PGM2: variants seen among roughly 807,000 people sequenced by gnomAD.
PGM2 encodes phosphoglucomutase 2.
In PGM2, 57 loss-of-function variants were observed where a neutral mutation model predicts 74.6. The observed-to-expected ratio is 0.76, with a 90% confidence interval of 0.62 to 0.95. The LOEUF (loss-of-function observed/expected upper bound fraction) is 0.95. Among genes scored for constraint, PGM2 ranks in the 40% least tolerant of loss-of-function variants. PGM2 has a pLI of 0.00. For missense variants in PGM2, 706 were observed against 741.9 expected (o/e 0.95, Z 0.56); for synonymous variants, 273 against 260.7 (o/e 1.05, Z -0.46).
intron 2 of PGM2, among the ~76,000 whole-genome samples, chr4:37,830,476 C>T (rs1483260706): frequency 6.6e-6 from 1 of 152,178 alleles, no homozygotes; most frequent in Non-Finnish European, 1.5e-5. Context: ...CTTTTAAGGT[C>T]CTGTAATTTT....
chr4:37,833,126 C>T (rs1237628289), intron 2 of PGM2, among the ~76,000 whole-genome samples: 1 of 152,210 alleles, frequency 6.6e-6, no homozygotes, highest in Non-Finnish European at 1.5e-5. Flanking sequence ...AACCAATACA[C>T]ATGGCCTTAT....
At chr4:37,851,874 A>C (rs1726048665) in intron 12 of PGM2, among the ~76,000 whole-genome samples, 2 of 152,038 alleles carry the variant, frequency 1.3e-5, no homozygotes, top group Admixed American at 1.3e-4. Flanking sequence ...ATGACTAGTA[A>C]CTGCTGTTGC....
intron 11 of PGM2, 45 bp from the exon 12 acceptor site, chr4:37,850,139 A>G (rs1725996648): frequency 8.6e-7 from 1 of 1,158,740 alleles, no homozygotes; most frequent in Admixed American, 2.3e-5. Flanking sequence ...CCACCCTACA[A>G]AATTATTTGT....
intron 13 of PGM2, among the ~76,000 whole-genome samples, chr4:37,855,987 T>G (rs1475400437): frequency 6.6e-6 from 1 of 152,194 alleles, no homozygotes; most frequent in African/African-American, 2.4e-5. Context: ...TATTTCAGTA[T>G]AGTAGTAAAA....
In PGM2 at chr4:37,839,918, A is replaced by T. The variant is rs752336133; in HGVS notation, c.512A>T (p.Asp171Val). Residue 171 changes from aspartate to valine, a missense_variant, in exon 5 of 14, where the codon GAT (aspartate) becomes GTT (valine). Physicochemically the swap from Asp to Val is radical, Grantham distance 152. This residue lies in a region of PGM2 where 332 missense variants were observed against 334.9 expected (regional missense o/e 0.99). Transcript: ENST00000381967. ...ACTGCATCTCACAATCCAAAGCAGGATAATGGTTATAAGGTATTTTCCTTT... is the reference window on the plus strand; with the variant it reads ...ACTGCATCTCACAATCCAAAGCAGGTTAATGGTTATAAGGTATTTTCCTTT... Reference protein sequence around the residue: ...MITASHNPKQDNGYKVYWDNG... With the variant: ...MITASHNPKQVNGYKVYWDNG... The T allele has an allele frequency of 6.3e-7, 1 of 1,594,174 alleles. No individual in the cohort carries two copies. The highest frequency in any genetic ancestry group is 1.1e-5 in the South Asian group (1 of 90,648).
Position 37,847,302 on chromosome 4 carries a change from A to G in PGM2, c.1282+7A>G. 1.3e-6 allele frequency: 2 copies of G among 1,588,870 alleles called. No individual in the cohort carries two copies. The highest frequency in any genetic ancestry group is 8.6e-7 in the Non-Finnish European group (1 of 1,157,328). On this transcript the variant is annotated splice_region_variant and intron_variant, in intron 10 of 13. Transcript: ENST00000381967. ...GCATTTGAAGAAGCTATTGGTAAGA[A>G]GTGATCATGAACATTAAGGAATTGG...
In PGM2 at chr4:37,826,729, A is replaced by G. The variant is rs1410771195; in HGVS notation, c.-4A>G. 26 of 1,548,938 alleles carry G rather than the reference A, an allele frequency of 1.7e-5. No individual in the cohort carries two copies. Among genetic ancestry groups the G allele is most frequent in the Non-Finnish European group, 2.0e-5 (23 of 1,145,400 alleles). ...CCCTCTGCAGCGGTAGCACAAGCTC[A>G]GCGATGGCGGCTCCAGAAGGCAGCG... is the stretch of plus-strand genomic sequence containing the variant. On this transcript the variant is annotated 5_prime_UTR_variant, in exon 1 of 14. Coordinates refer to ENST00000381967, the MANE Select transcript of PGM2 (RefSeq NM_018290.4).
At chr4:37,828,240 G>A (rs1027231333) in intron 1 of PGM2, among the ~76,000 whole-genome samples, 5 of 152,052 alleles carry the variant, frequency 3.3e-5, no homozygotes, top group African/African-American at 1.2e-4. Context: ...TGAAGTCAGA[G>A]TTCATAATGC....
intron 11 of PGM2, 59 bp from the exon 12 acceptor site, chr4:37,850,125 G>C: frequency 2.1e-6 from 2 of 970,304 alleles, no homozygotes. Context: ...TACATGTTCT[G>C]TGTCCACCCT....
At chr4:37,851,914 G>A (rs1315490943) in intron 12 of PGM2, among the ~76,000 whole-genome samples, 1 of 150,100 alleles carries the variant, frequency 6.7e-6, no homozygotes, top group East Asian at 1.9e-4. Context: ...TTTTGATTAG[G>A]TTTCCCTAAT....
chr4:37,852,664 T>A (rs193225576), intron 12 of PGM2, among the ~76,000 whole-genome samples: 1 of 152,316 alleles, frequency 6.6e-6, no homozygotes, highest in East Asian at 1.9e-4. Flanking sequence ...GAGCCTCCAA[T>A]CCTTCCTTTT....
chr4:37,834,519 T>C (rs902581786), intron 2 of PGM2, 99 bp from the exon 3 acceptor site: 1 of 621,832 alleles, frequency 1.6e-6, no homozygotes. Flanking sequence ...CATAGTGTTC[T>C]ATGAAATTTG....
At chr4:37,831,727 A>G (rs1725448159) in intron 2 of PGM2, among the ~76,000 whole-genome samples, 1 of 152,230 alleles carries the variant, frequency 6.6e-6, no homozygotes, top group African/African-American at 2.4e-5. Context: ...TAGCTTTGAA[A>G]GTCACACAGT....
chr4:37,841,116 T>TGTGTGTGTG (rs1560415272), intron 6 of PGM2, among the ~76,000 whole-genome samples: 1 of 95,828 alleles, frequency 1.0e-5, no homozygotes, highest in African/African-American at 5.5e-5. Flanking sequence ...GTGTGTGTGT[T>TGTGTGTGTG]TGTATATGTA....
At chr4:37,859,775 T>C (rs1389608954) in intron 13 of PGM2, among the ~76,000 whole-genome samples, 1 of 152,222 alleles carries the variant, frequency 6.6e-6, no homozygotes, top group Non-Finnish European at 1.5e-5. Context: ...GTCGTTTAGC[T>C]TAAATGTTTT....
In PGM2 at chr4:37,849,931, G is replaced by C. The variant is rs572159363; in HGVS notation, c.1413-253G>C. Reference sequence around the variant, plus strand: ...CCCTCTGGAGTAGCTGGGACTACAGGTGCCTGTCACCATACCCGGCTAATT... The same window carrying C: ...CCCTCTGGAGTAGCTGGGACTACAGCTGCCTGTCACCATACCCGGCTAATT... On this transcript the variant is annotated intron_variant, in intron 11 of 13. Coordinates refer to ENST00000381967, the MANE Select transcript of PGM2 (RefSeq NM_018290.4). Among the ~76,000 whole-genome samples the C allele has an allele frequency of 7.2e-5, 11 of 152,106 alleles. No homozygotes were observed. The South Asian group carries it at 1.9e-3, about 26-fold the overall frequency.
chr4:37,850,726 C>T (rs888417282), intron 12 of PGM2, among the ~76,000 whole-genome samples: 3 of 152,106 alleles, frequency 2.0e-5, no homozygotes, highest in African/African-American at 7.2e-5. Flanking sequence ...AGCGGTGGCT[C>T]ACACCTGTAA....
Position 37,850,188 on chromosome 4 carries a change from G to A in PGM2, c.1417G>A (p.Gly473Ser). The A allele has an allele frequency of 6.5e-7, 1 of 1,541,842 alleles. No individual in the cohort carries two copies. The highest frequency in any genetic ancestry group is 8.8e-7 in the Non-Finnish European group (1 of 1,138,704). ...QQLKAIYVEY[G>S]YHITKASYFI... ...GAATTTGTATTTGTTTGATAGGTAT[G>A]GCTACCATATTACTAAAGCTTCCTA... The change falls in exon 12 of 14, where the codon GGC becomes AGC. Residue 473 changes from glycine to serine, a missense_variant. Coordinates refer to ENST00000381967, the MANE Select transcript of PGM2 (RefSeq NM_018290.4).
At position 37,830,138 on chromosome 4, in the gene PGM2, T is replaced by A; in HGVS notation, c.249+7T>A. The A allele has an allele frequency of 6.5e-7, 1 of 1,529,910 alleles. No homozygotes were observed. The highest frequency in any genetic ancestry group is 8.8e-7 in the Non-Finnish European group (1 of 1,139,296). 94.8% of individuals were successfully genotyped at this position (1,529,910 alleles called of 1,614,324 possible). ...CATCATCCAGACTACACAGGTACCA[T>A]GTTTTTTATAATTCTTAGTAACTCA... On this transcript the variant is annotated splice_region_variant and intron_variant, in intron 2 of 13. Coordinates refer to ENST00000381967, the MANE Select transcript of PGM2 (RefSeq NM_018290.4).
Sources: allele counts gnomAD v4.1 joint callset (sites outside exome capture counted in the v4.1 genomes callset), GRCh38; gene constraint gnomAD v4.1.1; regional missense constraint gnomAD v4.1.1; transcripts MANE v1.5; gene names NCBI Gene and HGNC (gene_info 2026-07-23, HGNC 2026-07-21).